PRELID2: variants seen among roughly 807,000 people sequenced by gnomAD.
PRELID2 encodes PRELI domain-containing protein 2.
In PRELID2, 25 loss-of-function variants were observed where a neutral mutation model predicts 28.4. That is an observed-to-expected ratio of 0.88 (90% confidence interval 0.64 to 1.23). The LOEUF (loss-of-function observed/expected upper bound fraction) is 1.23, where lower values mean the gene tolerates loss of function less well. Among genes scored for constraint, PRELID2 ranks in the 50% most tolerant of loss-of-function variants. The pLI is 0.00. For missense variants in PRELID2, 201 were observed against 214.4 expected, an observed-to-expected ratio of 0.94 and a Z score of 0.39; for synonymous variants, 76 against 71.6, an observed-to-expected ratio of 1.06 and a Z score of -0.31.
chr5:145,235,445 G>A, the PRELID2 span, among the ~76,000 whole-genome samples: 284 of 152,288 alleles, frequency 1.9e-3, no homozygotes, highest in African/African-American at 6.5e-3. Context: ...GAGTGCTGAA[G>A]TCAGCTACTG....
At chr5:145,342,045 C>A in the PRELID2 span, among the ~76,000 whole-genome samples, 1 of 152,152 alleles carries the variant, frequency 6.6e-6, no homozygotes, top group Non-Finnish European at 1.5e-5. Context: ...AAATTCCATT[C>A]TGATTAATAG....
At chr5:145,538,091 G>C (rs1752716893) in intron 1 of PRELID2, among the ~76,000 whole-genome samples, 1 of 151,870 alleles carries the variant, frequency 6.6e-6, no homozygotes, top group Admixed American at 6.6e-5. Flanking sequence ...TTATTAAAAA[G>C]ACTGTCTTTT....
intron 1 of PRELID2, among the ~76,000 whole-genome samples, chr5:145,534,698 T>G (rs1035363120): frequency 1.4e-4 from 22 of 152,072 alleles, no homozygotes; most frequent in South Asian, 2.1e-4. Context: ...TCATGGTAGT[T>G]GCCTATTAAA....
chr5:145,739,898 A>G (rs1453804207), intron 1 of PRELID2, among the ~76,000 whole-genome samples: 2 of 151,876 alleles, frequency 1.3e-5, no homozygotes, highest in Non-Finnish European at 2.9e-5. Context: ...ATGTATCCAA[A>G]TACCTAAAGA....
chr5:145,640,941 A>G (rs1362335697), intron 1 of PRELID2, among the ~76,000 whole-genome samples: 1 of 152,200 alleles, frequency 6.6e-6, no homozygotes, highest in Non-Finnish European at 1.5e-5. Flanking sequence ...TGGTAGAACA[A>G]TTATTTAATT....
chr5:145,240,681 T>C, the PRELID2 span, among the ~76,000 whole-genome samples: 57 of 152,138 alleles, frequency 3.7e-4, no homozygotes, highest in African/African-American at 1.3e-3. Context: ...CCGGTAGAAT[T>C]GCTGGGCCAA....
chr5:145,300,586 T>C, the PRELID2 span, among the ~76,000 whole-genome samples: 2 of 151,974 alleles, frequency 1.3e-5, no homozygotes, highest in African/African-American at 4.8e-5. Flanking sequence ...AATTAAAATA[T>C]TATATAACTA....
intron 1 of PRELID2, among the ~76,000 whole-genome samples, chr5:145,653,814 C>G (rs190371301): frequency 7.9e-4 from 120 of 152,294 alleles, no homozygotes; most frequent in African/African-American, 2.6e-3. Context: ...CTAAAATTGA[C>G]ATCTTAACAT....
At chr5:145,742,210 A>ATG (rs1439836585) in intron 1 of PRELID2, among the ~76,000 whole-genome samples, 20 of 139,756 alleles carry the variant, frequency 1.4e-4, no homozygotes, top group Non-Finnish European at 1.8e-4. Context: ...ATATAAATAT[A>ATG]CATTTTTATT....
chr5:145,815,551 G>A (rs1754242420), intron 4 of PRELID2, among the ~76,000 whole-genome samples: 1 of 152,122 alleles, frequency 6.6e-6, no homozygotes, highest in Non-Finnish European at 1.5e-5. Context: ...CGTACCAACT[G>A]GCAGTCACTC....
At chr5:145,375,973 C>T in the PRELID2 span, among the ~76,000 whole-genome samples, 1 of 152,158 alleles carries the variant, frequency 6.6e-6, no homozygotes. Context: ...TTTTCTTGTG[C>T]CAGTTTTCAC....
chr5:145,465,910 TC>T, the PRELID2 span, among the ~76,000 whole-genome samples: 33 of 152,176 alleles, frequency 2.2e-4, no homozygotes, highest in Non-Finnish European at 4.7e-4. Flanking sequence ...TAAGATATAT[TC>T]CCCTCCATTA....
At chr5:145,810,033 CA>C (rs2149841805) in intron 4 of PRELID2, among the ~76,000 whole-genome samples, 1 of 152,268 alleles carries the variant, frequency 6.6e-6, no homozygotes, top group East Asian at 1.9e-4. Context: ...CAGACACAAA[CA>C]CAAGAAATTA....
chr5:145,661,363 C>T (rs1485258228), intron 1 of PRELID2, among the ~76,000 whole-genome samples: 1 of 152,128 alleles, frequency 6.6e-6, no homozygotes, highest in African/African-American at 2.4e-5. Context: ...TTACACAACT[C>T]TGTGCGGCAT....
At chr5:145,425,519 T>G in the PRELID2 span, among the ~76,000 whole-genome samples, 2 of 152,168 alleles carry the variant, frequency 1.3e-5, no homozygotes, top group South Asian at 2.1e-4. Context: ...TGCCCATCAA[T>G]GATAGACTGA....
chr5:145,565,840 A>T (rs893304016), intron 1 of PRELID2, among the ~76,000 whole-genome samples: 2 of 152,168 alleles, frequency 1.3e-5, no homozygotes, highest in African/African-American at 4.8e-5. Flanking sequence ...CTAAGCAAAC[A>T]TTTCTTTAAG....
At chr5:145,320,945 C>G in the PRELID2 span, among the ~76,000 whole-genome samples, 10 of 152,160 alleles carry the variant, frequency 6.6e-5, no homozygotes, top group South Asian at 2.1e-4. Context: ...GTACTAAACA[C>G]TTTTATGCAT....
rs556796447 is a variant in PRELID2, at chr5:145,598,238, G to A, written n.71-124923C>T. Among the ~76,000 whole-genome samples, 10 of 152,278 alleles carry A rather than the reference G, an allele frequency of 6.6e-5. No individual in the cohort carries two copies. The East Asian group carries it at 1.4e-3, about 21-fold the overall frequency. On this transcript the variant is annotated intron_variant and non_coding_transcript_variant, in intron 1 of 2. Transcript: ENST00000510259. The stretch of plus-strand genomic sequence containing the variant: ...TAAATAGACCAGTACCAGTGAAGTC[G>A]AAGTTTTACCAAGGGAGGATGAGAG...
chr5:145,587,674 A>G (rs1753172806), intron 1 of PRELID2, among the ~76,000 whole-genome samples: 1 of 152,174 alleles, frequency 6.6e-6, no homozygotes, highest in Non-Finnish European at 1.5e-5. Flanking sequence ...GTGGGCTTCC[A>G]TTACATTATA....
Sources: gnomAD v4.1 joint callset for allele counts (sites outside exome capture counted in the v4.1 genomes callset) on GRCh38, gnomAD v4.1.1 for gene constraint, MANE v1.5 for transcripts, NCBI Gene and HGNC (gene_info 2026-07-23, HGNC 2026-07-21) for gene names.